EVI5: variants seen among roughly 807,000 people sequenced by gnomAD.
The protein encoded by EVI5 is ecotropic viral integration site 5 protein homolog.
Under a neutral mutation model 112.0 loss-of-function variants are expected in EVI5, and 73 were observed. That is an observed-to-expected ratio of 0.65 (90% CI 0.54 to 0.79). The LOEUF (loss-of-function observed/expected upper bound fraction) is 0.79, where lower values mean the gene tolerates loss of function less well. Among genes scored for constraint, EVI5 ranks in the 30% least tolerant of loss-of-function variants. The probability of loss-of-function intolerance (pLI) is 0.00; values close to 1 mark genes in which losing one functional copy is unlikely to be tolerated. For missense variants in EVI5, 900 were observed against 968.8 expected (o/e 0.93, Z 0.94); for synonymous variants, 305 against 319.9 (o/e 0.95, Z 0.50).
intron 16 of EVI5, among the ~76,000 whole-genome samples, chr1:92,616,869 G>A (rs939116645): frequency 2.0e-5 from 3 of 152,188 alleles, no homozygotes; most frequent in African/African-American, 7.2e-5. Flanking sequence ...TAGCCATGAA[G>A]TGGGCTGTGC....
intron 10 of EVI5, among the ~76,000 whole-genome samples, chr1:92,668,779 G>A (rs377388925): frequency 2.2e-4 from 33 of 152,230 alleles, no homozygotes; most frequent in East Asian, 9.6e-4. Flanking sequence ...TTACTTTTAC[G>A]TTTCAAGTGT....
At chr1:92,748,269 G>A (rs1005479638) in intron 1 of EVI5, among the ~76,000 whole-genome samples, 5 of 152,094 alleles carry the variant, frequency 3.3e-5, no homozygotes, top group East Asian at 1.9e-4. Flanking sequence ...ACTAGCCCAC[G>A]CAGAGACCAC....
chr1:92,742,710 C>G (rs919650399), intron 1 of EVI5, among the ~76,000 whole-genome samples: 2 of 151,788 alleles, frequency 1.3e-5, no homozygotes, highest in African/African-American at 4.8e-5. Flanking sequence ...AAATAAAATG[C>G]AAATCAAAAC....
intron 19 of EVI5, among the ~76,000 whole-genome samples, chr1:92,539,542 C>CA (rs1209654037): frequency 5.7e-3 from 95 of 16,532 alleles, no homozygotes; most frequent in East Asian, 0.019. Flanking sequence ...GACTCCATCT[C>CA]AAAAAAAAAA....
intron 1 of EVI5, among the ~76,000 whole-genome samples, chr1:92,783,958 T>C (rs1685259788): frequency 6.6e-6 from 1 of 152,192 alleles, no homozygotes; most frequent in African/African-American, 2.4e-5. Flanking sequence ...CACTTTTCTT[T>C]AACTTCAGTA....
intron 19 of EVI5, among the ~76,000 whole-genome samples, chr1:92,547,821 C>T (rs1162378274): frequency 6.6e-6 from 1 of 152,188 alleles, no homozygotes; most frequent in East Asian, 1.9e-4. Context: ...TCTGAATAGA[C>T]CAATAACAGG....
chr1:92,760,438 T>C (rs963102099), intron 1 of EVI5, among the ~76,000 whole-genome samples: 1 of 152,084 alleles, frequency 6.6e-6, no homozygotes, highest in Non-Finnish European at 1.5e-5. Context: ...ACAACAAAAG[T>C]TGGCTAAAAG....
At chr1:92,532,753 C>G (rs923473245) in intron 19 of EVI5, among the ~76,000 whole-genome samples, 2 of 152,102 alleles carry the variant, frequency 1.3e-5, no homozygotes, top group African/African-American at 2.4e-5. Context: ...CAAAGACACA[C>G]GTACCAGAAT....
chr1:92,525,452 A>G (rs1388269097), intron 19 of EVI5, among the ~76,000 whole-genome samples: 2 of 151,918 alleles, frequency 1.3e-5, no homozygotes, highest in Non-Finnish European at 2.9e-5. Context: ...TATTTTTAGT[A>G]AAGATGGGGT....
At chr1:92,518,650 T>A in intron 19 of EVI5, among the ~76,000 whole-genome samples, 1 of 63,168 alleles carries the variant, frequency 1.6e-5, no homozygotes. Context: ...AGAGAAGGGA[T>A]GCTTTAAAAA....
intron 1 of EVI5, chr1:92,749,473 T>C (rs2102912659): frequency 6.5e-6 from 1 of 154,508 alleles, no homozygotes; most frequent in African/African-American, 2.4e-5. Context: ...ACTATTTAAT[T>C]TTCCAACAGG....
chr1:92,635,444 G>C (rs1262533956), intron 14 of EVI5, among the ~76,000 whole-genome samples: 1 of 152,176 alleles, frequency 6.6e-6, no homozygotes, highest in Non-Finnish European at 1.5e-5. Flanking sequence ...TGCTAGTAAT[G>C]AGTGAGGCTC....
intron 19 of EVI5, among the ~76,000 whole-genome samples, chr1:92,515,142 G>C (rs1659662600): frequency 6.6e-6 from 1 of 152,146 alleles, no homozygotes. Context: ...TTTAGAATGA[G>C]GCTCTAGTCC....
At chr1:92,713,670 G>A (rs1255730924) in intron 2 of EVI5, among the ~76,000 whole-genome samples, 3 of 151,994 alleles carry the variant, frequency 2.0e-5, no homozygotes, top group African/African-American at 7.2e-5. Context: ...CCAGCTACTT[G>A]GGAGGCTGGG....
intron 19 of EVI5, among the ~76,000 whole-genome samples, chr1:92,561,800 C>T (rs1437713867): frequency 6.6e-6 from 1 of 152,014 alleles, no homozygotes; most frequent in Non-Finnish European, 1.5e-5. Flanking sequence ...CCATGCCTGG[C>T]TAATTTTTGT....
chr1:92,542,314 A>G (rs986746650), intron 19 of EVI5, among the ~76,000 whole-genome samples: 7 of 152,214 alleles, frequency 4.6e-5, no homozygotes, highest in Non-Finnish European at 1.0e-4. Context: ...CGTCCATTCA[A>G]GTTTGATCAT....
intron 1 of EVI5, chr1:92,784,542 C>T: frequency 2.1e-6 from 1 of 469,600 alleles, no homozygotes; most frequent in Non-Finnish European, 2.4e-6. Context: ...GACGTGCCCC[C>T]GAAGCTGCTC....
At chr1:92,729,004 G>A (rs1676048417) in intron 2 of EVI5, among the ~76,000 whole-genome samples, 1 of 152,290 alleles carries the variant, frequency 6.6e-6, no homozygotes, top group South Asian at 2.1e-4. Context: ...CAAAAGTAGT[G>A]ATGCTGGCAA....
At chr1:92,577,400 T>C (rs1301784655) in intron 18 of EVI5, among the ~76,000 whole-genome samples, 1 of 152,204 alleles carries the variant, frequency 6.6e-6, no homozygotes, top group African/African-American at 2.4e-5. Flanking sequence ...TTTGTACGGC[T>C]TGCCGGCAGG....
Sources: gnomAD v4.1 joint callset for allele counts (sites outside exome capture counted in the v4.1 genomes callset) on GRCh38, gnomAD v4.1.1 for gene constraint, MANE v1.5 for transcripts, NCBI Gene and HGNC (gene_info 2026-07-23, HGNC 2026-07-21) for gene names.